ITGB3: variants seen among roughly 807,000 people sequenced by gnomAD.
ITGB3 encodes integrin subunit beta 3.
Under a neutral mutation model 85.8 loss-of-function variants are expected in ITGB3, and 48 were observed. That is an observed-to-expected ratio of 0.56 (90% CI 0.44 to 0.71). ITGB3 has a LOEUF of 0.71. ITGB3 is among the 30% of genes least tolerant of loss of function. ITGB3 has a pLI of 0.00. For synonymous variants in ITGB3, 363 were observed against 395.6 expected (o/e 0.92, Z 0.98); for missense variants, 861 against 1,019.1 (o/e 0.84, Z 2.11).
chr17:47,255,821 T>C (rs1455557054), intron 1 of ITGB3, among the ~76,000 whole-genome samples: 1 of 152,170 alleles, frequency 6.6e-6, no homozygotes, highest in Non-Finnish European at 1.5e-5. Flanking sequence ...GATCAGCTGA[T>C]AGTGTTAGCG....
rs762488299 is a variant in ITGB3 at position 47,292,173 on chromosome 17, G to A, written c.1295G>A (p.Cys432Tyr). Reference protein sequence around the residue: ...SFSIEAKVRGCPQEKEKSFTI... With the variant: ...SFSIEAKVRGYPQEKEKSFTI... ...AGCATTGAGGCCAAGGTGCGAGGCT[G>A]TCCCCAGGAGAAGGAGAAGTCCTTT... Residue 432 changes from cysteine to tyrosine, a missense_variant, in exon 10 of 15, where the codon TGT becomes TAT. By Grantham distance (194) the Cys-to-Tyr change is radical. Coordinates refer to ENST00000559488, the MANE Select transcript of ITGB3 (RefSeq NM_000212.3). The A allele has an allele frequency of 3.7e-6, 6 of 1,614,094 alleles. No individual in the cohort carries two copies. Among genetic ancestry groups the A allele is most frequent in the Non-Finnish European group, 5.1e-6 (6 of 1,180,040 alleles).
chr17:47,307,623 G>A lies in ITGB3; in HGVS notation c.2287G>A (p.Ala763Thr). Residue 763 changes from alanine to threonine, a missense_variant, in exon 14 of 15, where the codon GCA (alanine) becomes ACA (threonine). Coordinates refer to ENST00000559488, the MANE Select transcript of ITGB3 (RefSeq NM_000212.3). ...TAAATTTGAGGAAGAACGCGCCAGA[G>A]CAAAATGGGACACAGTAAGAGACGG... is the stretch of plus-strand genomic sequence containing the variant. Reference protein sequence around the residue: ...FAKFEEERARAKWDTANNPLY... With the variant: ...FAKFEEERARTKWDTANNPLY... 1 of 1,614,218 alleles carries A rather than the reference G, an allele frequency of 6.2e-7. No homozygotes were observed. Among genetic ancestry groups the A allele is most frequent in the Non-Finnish European group, 8.5e-7 (1 of 1,180,038 alleles).
At chr17:47,294,454 C>A (rs1194114767) in intron 10 of ITGB3, among the ~76,000 whole-genome samples, 2 of 152,162 alleles carry the variant, frequency 1.3e-5, no homozygotes, top group Non-Finnish European at 2.9e-5. Flanking sequence ...GGCTGCTGCC[C>A]CACTAAAGCC....
intron 10 of ITGB3, among the ~76,000 whole-genome samples, chr17:47,296,618 A>G (rs1032137656): frequency 1.3e-5 from 2 of 152,078 alleles, no homozygotes; most frequent in African/African-American, 4.8e-5. Flanking sequence ...GGAAGGAGCT[A>G]TTTTGTCTCC....
At chr17:47,309,906 A>G (rs945524260) in intron 14 of ITGB3, among the ~76,000 whole-genome samples, 1 of 151,738 alleles carries the variant, frequency 6.6e-6, no homozygotes, top group Non-Finnish European at 1.5e-5. Flanking sequence ...AAAAAAAAAA[A>G]AAAAAAAAGA....
chr17:47,290,694 C>G (rs1182941969), intron 8 of ITGB3, among the ~76,000 whole-genome samples: 1 of 152,108 alleles, frequency 6.6e-6, no homozygotes, highest in South Asian at 2.1e-4. Context: ...ATCTGTGAGG[C>G]CTGCAGGAGG....
At chr17:47,280,282 C>T (rs1005098552) in intron 2 of ITGB3, among the ~76,000 whole-genome samples, 4 of 152,140 alleles carry the variant, frequency 2.6e-5, no homozygotes, top group African/African-American at 7.2e-5. Context: ...GGCTTCAGCC[C>T]ATGAAAGGGG....
At chr17:47,297,073 G>T (rs1473748861) in intron 10 of ITGB3, among the ~76,000 whole-genome samples, 1 of 152,042 alleles carries the variant, frequency 6.6e-6, no homozygotes, top group Non-Finnish European at 1.5e-5. Flanking sequence ...TCCTCCACTG[G>T]TCAATTTGAA....
rs1555572829 is a variant in ITGB3, at chr17:47,292,251, A to G, written c.1373A>G (p.Asp458Gly). Residue 458 changes from aspartate to glycine, a missense_variant, in exon 10 of 15, where the codon GAT becomes GGT. Asp to Gly is a moderately conservative substitution (Grantham distance 94). Transcript: ENST00000559488. ...KDSLIVQVTF[D>G]CDCACQAQAE... ...AGCCTGATCGTCCAGGTCACCTTTG[A>G]TTGTGACTGTGCCTGCCAGGCCCAA... The G allele has an allele frequency of 6.8e-6, 11 of 1,614,218 alleles. No individual in the cohort carries two copies. Among genetic ancestry groups the G allele is most frequent in the Non-Finnish European group, 9.3e-6 (11 of 1,180,026 alleles).
intron 9 of ITGB3, chr17:47,291,425 A>G: frequency 1.9e-6 from 1 of 530,050 alleles, no homozygotes; most frequent in Non-Finnish European, 3.3e-6. Flanking sequence ...CAGCCTTTCC[A>G]AGGTAATTAA....
intron 1 of ITGB3, among the ~76,000 whole-genome samples, chr17:47,273,074 C>G (rs545516110): frequency 1.4e-4 from 21 of 152,300 alleles, no homozygotes; most frequent in African/African-American, 5.1e-4. Context: ...CACGCCTGGC[C>G]ATAATTTTTC....
rs2065163301 is a variant in ITGB3 at position 47,300,499 on chromosome 17, G to C, written c.1935G>C (p.Lys645Asn). ...TFKKECVECKKFDRGALHDEN... is the reference protein window; with the variant it reads ...TFKKECVECKNFDRGALHDEN... ...TCAGAGAATGTGTGGAGTGTAAGAA[G>C]TTTGACCGGGGAGCCCTACATGACG... Residue 645 changes from lysine (K) to asparagine (N), a missense_variant, in exon 12 of 15, where the codon AAG (lysine) becomes AAC (asparagine). Transcript: ENST00000559488. 2.5e-6 allele frequency: 4 copies of C among 1,613,962 alleles called. No homozygotes were observed. The South Asian group carries it at 3.3e-5, about 13-fold the overall frequency.
intron 1 of ITGB3, among the ~76,000 whole-genome samples, chr17:47,266,067 T>G (rs561354892): frequency 6.6e-6 from 1 of 152,302 alleles, no homozygotes; most frequent in South Asian, 2.1e-4. Flanking sequence ...TGTGCCTATG[T>G]AGGACAGTAA....
chr17:47,306,308 T>G (rs1228448479), intron 13 of ITGB3, among the ~76,000 whole-genome samples: 2 of 152,258 alleles, frequency 1.3e-5, no homozygotes, highest in East Asian at 1.9e-4. Context: ...AGTCTCTCCC[T>G]CTGTCATCCA....
In ITGB3 at chr17:47,299,308, G is replaced by A. The variant is rs1226052130; in HGVS notation, c.1691G>A (p.Gly564Asp). The A allele has an allele frequency of 6.2e-7, 1 of 1,613,696 alleles. No homozygotes were observed. ...CVRYKGEMCS[G>D]HGQCSCGDCL... ...ACCTTCCTGGGCTGTGTGTTTTCAGGCCATGGCCAGTGCAGCTGTGGGGAC... is the reference window on the plus strand; with the variant it reads ...ACCTTCCTGGGCTGTGTGTTTTCAGACCATGGCCAGTGCAGCTGTGGGGAC... Residue 564 changes from glycine to aspartate, a missense_variant and splice_region_variant, in exon 11 of 15, where the codon GGC becomes GAC. By Grantham distance (94) the Gly-to-Asp change is moderately conservative. Coordinates refer to ENST00000559488, the MANE Select transcript of ITGB3 (RefSeq NM_000212.3). This position sits in a 1 kb window ranked among gnomAD's most constrained non-coding sequence, Gnocchi z 5.1.
At chr17:47,292,796 T>C (rs1008445894) in intron 10 of ITGB3, among the ~76,000 whole-genome samples, 28 of 152,206 alleles carry the variant, frequency 1.8e-4, no homozygotes, top group Admixed American at 1.1e-3. Context: ...AGAAAACACA[T>C]GTCAGAATAT....
intron 1 of ITGB3, among the ~76,000 whole-genome samples, chr17:47,270,958 G>T (rs762829597): frequency 6.6e-6 from 1 of 152,168 alleles, no homozygotes; most frequent in Non-Finnish European, 1.5e-5. Context: ...GAGCTCAGTT[G>T]CTTAAAAAAG....
At chr17:47,297,296 G>A (rs2065149289) in intron 10 of ITGB3, among the ~76,000 whole-genome samples, 2 of 152,168 alleles carry the variant, frequency 1.3e-5, no homozygotes, top group African/African-American at 4.8e-5. Context: ...CCTTGGGAAA[G>A]TTACTTAACC....
chr17:47,308,901 C>T (rs1247502970), intron 14 of ITGB3, among the ~76,000 whole-genome samples: 1 of 152,032 alleles, frequency 6.6e-6, no homozygotes, highest in East Asian at 1.9e-4. Flanking sequence ...GATAACATGA[C>T]AGTTTGTGGA....
Sources: allele counts gnomAD v4.1 joint callset (sites outside exome capture counted in the v4.1 genomes callset), GRCh38; gene constraint gnomAD v4.1.1; non-coding constraint Gnocchi (gnomAD v3.1); transcripts MANE v1.5; gene names NCBI Gene and HGNC (gene_info 2026-07-23, HGNC 2026-07-21).